RFTN2: variants seen among roughly 807,000 people sequenced by gnomAD.
The protein encoded by RFTN2 is raftlin family member 2, also known as raftlin-2.
In RFTN2, 34 loss-of-function variants were observed where a neutral mutation model predicts 52.7. That is an observed-to-expected ratio of 0.64 (90% CI 0.49 to 0.86). The LOEUF is 0.86. Among genes scored for constraint, RFTN2 ranks in the 40% least tolerant of loss-of-function variants. The probability of loss-of-function intolerance (pLI) is 0.00; values close to 1 mark genes in which losing one functional copy is unlikely to be tolerated. For missense variants in RFTN2, 536 were observed against 600.1 expected (o/e 0.89, Z 1.12); for synonymous variants, 203 against 217.7 (o/e 0.93, Z 0.59).
intron 3 of RFTN2, among the ~76,000 whole-genome samples, chr2:197,640,434 G>A (rs1000900428): frequency 1.0e-4 from 15 of 149,286 alleles, no homozygotes; most frequent in Non-Finnish European, 1.9e-4. Context: ...ATATAATCTC[G>A]TGGTGCGCCG....
chr2:197,621,919 G>A (rs1245725137), intron 5 of RFTN2, among the ~76,000 whole-genome samples: 3 of 152,202 alleles, frequency 2.0e-5, no homozygotes, highest in African/African-American at 4.8e-5. Flanking sequence ...AATTGTGAAT[G>A]TAAGGGAAAA....
At chr2:197,606,546 T>C (rs1204546682) in intron 7 of RFTN2, among the ~76,000 whole-genome samples, 4 of 152,002 alleles carry the variant, frequency 2.6e-5, no homozygotes, top group African/African-American at 9.7e-5. Context: ...ACAGGCAACC[T>C]ACAAAATGGG....
chr2:197,617,552 G>T (rs1308406676), intron 6 of RFTN2, among the ~76,000 whole-genome samples: 3 of 151,848 alleles, frequency 2.0e-5, no homozygotes, highest in African/African-American at 7.3e-5. Context: ...TGGTGGTGCA[G>T]GCCTGTAGTC....
intron 7 of RFTN2, among the ~76,000 whole-genome samples, chr2:197,598,447 G>C (rs1233284993): frequency 6.6e-6 from 1 of 152,178 alleles, no homozygotes; most frequent in Non-Finnish European, 1.5e-5. Context: ...GAAAGAACCA[G>C]GTCTGGAACG....
chr2:197,573,069 C>A (rs2087345220), intron 8 of RFTN2, among the ~76,000 whole-genome samples: 1 of 142,470 alleles, frequency 7.0e-6, no homozygotes, highest in African/African-American at 2.7e-5. Context: ...AGGATGAGAA[C>A]AGACTAATAC....
intron 7 of RFTN2, among the ~76,000 whole-genome samples, chr2:197,597,363 G>C (rs1377907186): frequency 1.3e-5 from 2 of 152,190 alleles, no homozygotes; most frequent in Non-Finnish European, 2.9e-5. Flanking sequence ...CATGTGTACA[G>C]AAAAAGCTGG....
intron 7 of RFTN2, among the ~76,000 whole-genome samples, chr2:197,596,914 T>C (rs550440656): frequency 6.6e-6 from 1 of 152,210 alleles, no homozygotes; most frequent in African/African-American, 2.4e-5. Context: ...AAAGACTGCT[T>C]GGGGTTTGTA....
chr2:197,630,787 AT>A (rs910883027), intron 5 of RFTN2, among the ~76,000 whole-genome samples: 1 of 152,166 alleles, frequency 6.6e-6, no homozygotes, highest in Non-Finnish European at 1.5e-5. Context: ...AACAGTGAAC[AT>A]TTTACGTTAT....
intron 5 of RFTN2, among the ~76,000 whole-genome samples, chr2:197,623,539 C>T (rs926713806): frequency 1.3e-5 from 2 of 152,176 alleles, no homozygotes; most frequent in Non-Finnish European, 2.9e-5. Context: ...AGTGCAGTGG[C>T]ACGATCTCAG....
At chr2:197,668,114 G>C (rs1023458521) in intron 1 of RFTN2, among the ~76,000 whole-genome samples, 1 of 152,160 alleles carries the variant, frequency 6.6e-6, no homozygotes, top group Non-Finnish European at 1.5e-5. Flanking sequence ...CTGCAGGTGG[G>C]TGCATGCAGA....
intron 1 of RFTN2, among the ~76,000 whole-genome samples, chr2:197,659,847 A>T (rs138297952): frequency 6.6e-6 from 1 of 152,180 alleles, no homozygotes; most frequent in South Asian, 2.1e-4. Context: ...TATAAACACT[A>T]GCAAGTCCAC....
intron 5 of RFTN2, among the ~76,000 whole-genome samples, chr2:197,619,715 C>G (rs536400923): frequency 7.1e-6 from 1 of 140,850 alleles, no homozygotes; most frequent in Admixed American, 7.4e-5. Context: ...TCCCCCTCTG[C>G]GAGAAACACC....
At chr2:197,618,943 C>A (rs1430915719) in intron 5 of RFTN2, among the ~76,000 whole-genome samples, 1 of 151,544 alleles carries the variant, frequency 6.6e-6, no homozygotes, top group African/African-American at 2.4e-5. Context: ...CCACCTCGTC[C>A]GGGAGGGAGG....
At chr2:197,610,277 C>A (rs1479455985) in intron 7 of RFTN2, among the ~76,000 whole-genome samples, 1 of 152,108 alleles carries the variant, frequency 6.6e-6, no homozygotes, top group Non-Finnish European at 1.5e-5. Context: ...TTGTTTGTGT[C>A]CTCTTTTATT....
chr2:197,619,344 G>C (rs1394798165), intron 5 of RFTN2, among the ~76,000 whole-genome samples: 2 of 151,922 alleles, frequency 1.3e-5, no homozygotes, highest in East Asian at 1.9e-4. Context: ...GATGGTTGCC[G>C]TGTCTGTGTA....
intron 3 of RFTN2, among the ~76,000 whole-genome samples, chr2:197,642,722 A>T (rs961855528): frequency 9.2e-5 from 14 of 152,136 alleles, no homozygotes; most frequent in Non-Finnish European, 2.1e-4. Context: ...GGTGGCTCAC[A>T]CCTGTGATCC....
At chr2:197,649,975 T>C (rs753344466) in intron 1 of RFTN2, among the ~76,000 whole-genome samples, 2 of 152,174 alleles carry the variant, frequency 1.3e-5, no homozygotes, top group East Asian at 1.9e-4. Flanking sequence ...TTAAATGTCA[T>C]TTGGAGTTGG....
chr2:197,639,442 T>C lies in RFTN2; in HGVS notation c.438+4716A>G, dbSNP rs1326277034. Among the ~76,000 whole-genome samples the C allele has an allele frequency of 5.3e-5, 8 of 150,188 alleles. 1 individual carries two copies. The highest frequency in any genetic ancestry group is 4.6e-4 in the Admixed American group (7 of 15,112). ...TTCTTGGAGGCTTTGCTCATTTCTTTTTATTCTTTTTTCTCTAAACTTCCC... is the reference window on the plus strand; with the variant it reads ...TTCTTGGAGGCTTTGCTCATTTCTTCTTATTCTTTTTTCTCTAAACTTCCC... On this transcript the variant is annotated intron_variant, in intron 3 of 8. Coordinates refer to ENST00000295049, the MANE Select transcript of RFTN2 (RefSeq NM_144629.3).
At chr2:197,601,283 G>C (rs1029779959) in intron 7 of RFTN2, among the ~76,000 whole-genome samples, 2 of 152,188 alleles carry the variant, frequency 1.3e-5, no homozygotes, top group Non-Finnish European at 2.9e-5. Flanking sequence ...AGAGGGATTT[G>C]CTGTGACAAC....
Sources: gnomAD v4.1 joint callset for allele counts (sites outside exome capture counted in the v4.1 genomes callset) on GRCh38, gnomAD v4.1.1 for gene constraint, MANE v1.5 for transcripts, NCBI Gene and HGNC (gene_info 2026-07-23, HGNC 2026-07-21) for gene names.